The following EMCN variants were observed in gnomAD, a reference collection of about 807,000 sequenced individuals.
EMCN encodes MUC-14.
In EMCN, 37 loss-of-function variants were observed where a neutral mutation model predicts 38.4. That is an observed-to-expected ratio of 0.96 (90% CI 0.74 to 1.27). EMCN has a LOEUF of 1.27. EMCN is among the 50% of genes most tolerant of loss of function. The pLI is 0.00. For synonymous variants in EMCN, 95 were observed against 100.8 expected, an observed-to-expected ratio of 0.94 and a Z score of 0.35; for missense variants, 318 against 302.8, an observed-to-expected ratio of 1.05 and a Z score of -0.37.
chr4:100,402,836 A>G (rs1726292497), intron 11 of EMCN, among the ~76,000 whole-genome samples: 1 of 151,842 alleles, frequency 6.6e-6, no homozygotes, highest in African/African-American at 2.4e-5. Flanking sequence ...TTTTTTTTCC[A>G]ACTGCAGAAG....
chr4:100,468,880 G>GA (rs1053471495), intron 3 of EMCN, among the ~76,000 whole-genome samples: 31 of 149,566 alleles, frequency 2.1e-4, no homozygotes, highest in African/African-American at 2.9e-4. Flanking sequence ...TACAGAAATA[G>GA]AAAAAAAAAT....
At chr4:100,441,956 T>G (rs1727532414) in intron 5 of EMCN, among the ~76,000 whole-genome samples, 1 of 152,226 alleles carries the variant, frequency 6.6e-6, no homozygotes, top group Non-Finnish European at 1.5e-5. Flanking sequence ...CTGATTTTAC[T>G]ATGTATTTAC....
In EMCN at chr4:100,396,897, T is replaced by C. The variant is rs1379249053; in HGVS notation, c.*1516A>G. On this transcript the variant is annotated 3_prime_UTR_variant, in exon 12 of 12. Transcript: ENST00000296420. Reference sequence around the variant, plus strand: ...AGTTCTAAAGTGAAAACATACATAGTGGAGATCCCTGCCTTCTTCTCTCCT... The same window carrying C: ...AGTTCTAAAGTGAAAACATACATAGCGGAGATCCCTGCCTTCTTCTCTCCT... 6.6e-6 allele frequency: 1 copy of C among 151,798 alleles called. No homozygotes were observed. The highest frequency in any genetic ancestry group is 1.5e-5 in the Non-Finnish European group (1 of 67,926). 9.4% of individuals were successfully genotyped at this position (151,798 alleles called of 1,614,324 possible).
chr4:100,509,159 C>A (rs1472131400), intron 1 of EMCN, among the ~76,000 whole-genome samples: 1 of 152,154 alleles, frequency 6.6e-6, no homozygotes, highest in African/African-American at 2.4e-5. Context: ...TAGAAATTGT[C>A]CTTGCTTCCT....
At chr4:100,435,569 G>A (rs566208325) in intron 5 of EMCN, among the ~76,000 whole-genome samples, 1 of 152,144 alleles carries the variant, frequency 6.6e-6, no homozygotes, top group East Asian at 1.9e-4. Context: ...GAATATCCAA[G>A]GCAATCCTCA....
At chr4:100,417,214 C>T (rs1396062095) in intron 8 of EMCN, 73 bp from the exon 9 acceptor site, 11 of 1,275,270 alleles carry the variant, frequency 8.6e-6, no homozygotes, top group South Asian at 3.6e-5. Context: ...GCCCCTCTAA[C>T]CCCCTCACCT....
chr4:100,494,401 T>C (rs1729159678), intron 1 of EMCN, among the ~76,000 whole-genome samples: 1 of 152,154 alleles, frequency 6.6e-6, no homozygotes, highest in South Asian at 2.1e-4. Context: ...TTTCAGAATA[T>C]GCTCAAAGTC....
At chr4:100,483,248 A>G (rs1728858747) in intron 1 of EMCN, 1 of 152,148 alleles carries the variant, frequency 6.6e-6, no homozygotes, top group Non-Finnish European at 1.5e-5. Context: ...CAAAAAGGGT[A>G]AACAGTTTGC....
At chr4:100,452,091 A>C (rs1727854100) in intron 4 of EMCN, among the ~76,000 whole-genome samples, 1 of 152,120 alleles carries the variant, frequency 6.6e-6, no homozygotes, top group Non-Finnish European at 1.5e-5. Flanking sequence ...TGAAGTGCCA[A>C]ATTTTTATTT....
At position 100,459,741 on chromosome 4, in the gene EMCN, C is replaced by T. The variant is rs143505376; in HGVS notation, c.376+5682G>A. Among the ~76,000 whole-genome samples, 211 of 152,250 alleles carry T rather than the reference C, an allele frequency of 1.4e-3. 1 individual carries two copies. The highest frequency in any genetic ancestry group is 4.8e-3 in the African/African-American group (198 of 41,564). Reference sequence around the variant, plus strand: ...TGACCTCTAAGTTTATCCGCGCTTTCGCAAATGACAGGTTTTCCTTTTTCT... The same window carrying T: ...TGACCTCTAAGTTTATCCGCGCTTTTGCAAATGACAGGTTTTCCTTTTTCT... On this transcript the variant is annotated intron_variant, in intron 4 of 11. Coordinates refer to ENST00000296420, the MANE Select transcript of EMCN (RefSeq NM_016242.4).
chr4:100,509,484 T>C (rs1729568590), intron 1 of EMCN, among the ~76,000 whole-genome samples: 1 of 152,202 alleles, frequency 6.6e-6, no homozygotes, highest in Non-Finnish European at 1.5e-5. Context: ...CATGGTTGTT[T>C]AGAGTTGTCA....
intron 1 of EMCN, among the ~76,000 whole-genome samples, chr4:100,483,840 A>G (rs1351480638): frequency 6.6e-6 from 1 of 152,162 alleles, no homozygotes; most frequent in Non-Finnish European, 1.5e-5. Context: ...ATTGAGAGGA[A>G]TAGCTTATTC....
At chr4:100,467,897 G>T (rs1728368285) in intron 3 of EMCN, among the ~76,000 whole-genome samples, 1 of 152,126 alleles carries the variant, frequency 6.6e-6, no homozygotes, top group Non-Finnish European at 1.5e-5. Flanking sequence ...TGTACCTGCT[G>T]TCATCTACAG....
intron 11 of EMCN, among the ~76,000 whole-genome samples, chr4:100,407,044 G>A (rs1726413453): frequency 6.6e-6 from 1 of 152,164 alleles, no homozygotes; most frequent in African/African-American, 2.4e-5. Flanking sequence ...AGCAACCCCT[G>A]CTCTTTTTTG....
At chr4:100,495,201 T>C (rs762020389) in intron 1 of EMCN, among the ~76,000 whole-genome samples, 1 of 152,066 alleles carries the variant, frequency 6.6e-6, no homozygotes, top group Non-Finnish European at 1.5e-5. Context: ...AATACCTAGA[T>C]GATATTTGAG....
intron 10 of EMCN, among the ~76,000 whole-genome samples, chr4:100,410,678 G>T (rs1047979097): frequency 6.6e-6 from 1 of 152,118 alleles, no homozygotes; most frequent in African/African-American, 2.4e-5. Context: ...ATTTTTGCTT[G>T]TTACATGAGC....
intron 1 of EMCN, 47 bp from the exon 2 acceptor site, chr4:100,480,086 A>G: frequency 6.5e-7 from 1 of 1,548,892 alleles, no homozygotes; most frequent in Non-Finnish European, 8.8e-7. Flanking sequence ...ATAGTTTGCC[A>G]ATTAATAGAC....
chr4:100,474,137 G>A (rs1204374319), intron 3 of EMCN: 1 of 152,170 alleles, frequency 6.6e-6, no homozygotes, highest in Non-Finnish European at 1.5e-5. Flanking sequence ...AGTCTTGAAT[G>A]TATACAGAAC....
At chr4:100,443,899 G>A (rs1388073651) in intron 5 of EMCN, among the ~76,000 whole-genome samples, 1 of 152,210 alleles carries the variant, frequency 6.6e-6, no homozygotes. Context: ...GCAGAGAATA[G>A]CTGTAATTTG....
Sources: allele counts gnomAD v4.1 joint callset (sites outside exome capture counted in the v4.1 genomes callset), GRCh38; gene constraint gnomAD v4.1.1; transcripts MANE v1.5; gene names NCBI Gene and HGNC (gene_info 2026-07-23, HGNC 2026-07-21).